Variants in BBS9 observed in about 807,000 individuals in gnomAD.
The protein encoded by BBS9 is Bardet-Biedl syndrome 9, also known as protein PTHB1.
In BBS9, 89 loss-of-function variants were observed where a neutral mutation model predicts 117.7. That is an observed-to-expected ratio of 0.76 (90% CI 0.64 to 0.90). BBS9 has a LOEUF of 0.90. BBS9 is among the 40% of genes least tolerant of loss of function. The probability of loss-of-function intolerance (pLI) is 0.00; values close to 1 mark genes in which losing one functional copy is unlikely to be tolerated. For synonymous variants in BBS9, 379 were observed against 370.9 expected (o/e 1.02, Z -0.25); for missense variants, 982 against 1,042.2 (o/e 0.94, Z 0.80).
intron 19 of BBS9, among the ~76,000 whole-genome samples, chr7:33,423,356 A>G (rs1400762995): frequency 6.6e-6 from 1 of 152,020 alleles, no homozygotes; most frequent in Non-Finnish European, 1.5e-5. Context: ...GCACAAAATC[A>G]AAAAGATAGA....
At chr7:33,489,000 T>C (rs1843511425) in intron 19 of BBS9, among the ~76,000 whole-genome samples, 1 of 147,294 alleles carries the variant, frequency 6.8e-6, no homozygotes, top group South Asian at 2.2e-4. Flanking sequence ...TTTTTTTTTT[T>C]TTTTTTTTTT....
At chr7:33,265,597 C>A (rs1200865578) in intron 7 of BBS9, among the ~76,000 whole-genome samples, 1 of 152,118 alleles carries the variant, frequency 6.6e-6, no homozygotes, top group African/African-American at 2.4e-5. Flanking sequence ...GTAATCCCAG[C>A]ACTTTGGCAG....
chr7:33,230,574 C>T (rs1156766212), intron 5 of BBS9, among the ~76,000 whole-genome samples: 2 of 152,170 alleles, frequency 1.3e-5, no homozygotes, highest in Non-Finnish European at 2.9e-5. Flanking sequence ...ACCTCCCTTC[C>T]GCCCTGCCTG....
intron 3 of BBS9, among the ~76,000 whole-genome samples, chr7:33,154,712 G>A (rs892868241): frequency 2.6e-5 from 4 of 151,872 alleles, no homozygotes; most frequent in East Asian, 1.9e-4. Flanking sequence ...GAGATCCACC[G>A]CCCCCTCCCA....
At chr7:33,597,678 A>G (rs1032882873) in intron 21 of BBS9, among the ~76,000 whole-genome samples, 1 of 138,034 alleles carries the variant, frequency 7.2e-6, no homozygotes, top group Non-Finnish European at 1.5e-5. Context: ...ATCTTCCTGC[A>G]AAAAAAAAAT....
intron 19 of BBS9, among the ~76,000 whole-genome samples, chr7:33,416,680 C>T (rs575872144): frequency 6.6e-6 from 1 of 152,254 alleles, no homozygotes; most frequent in Admixed American, 6.5e-5. Context: ...ATGTGACAGC[C>T]GTGGTCCCCA....
intron 5 of BBS9, among the ~76,000 whole-genome samples, chr7:33,222,421 A>G (rs1396130202): frequency 6.6e-6 from 1 of 152,162 alleles, no homozygotes; most frequent in Non-Finnish European, 1.5e-5. Flanking sequence ...GGGAATTCTA[A>G]TAACATAGGA....
intron 19 of BBS9, among the ~76,000 whole-genome samples, chr7:33,422,653 A>C (rs1300570458): frequency 1.3e-5 from 2 of 152,236 alleles, no homozygotes; most frequent in East Asian, 1.9e-4. Flanking sequence ...TAAGAATAGA[A>C]GCACAAAAGA....
chr7:33,270,586 A>C (rs1310510704), intron 7 of BBS9, among the ~76,000 whole-genome samples: 1 of 152,232 alleles, frequency 6.6e-6, no homozygotes. Context: ...TATTAATGGC[A>C]GAAGAGACCA....
At position 33,129,676 on chromosome 7, in the gene BBS9, C is replaced by G. The variant is rs936988947; in HGVS notation, c.-377C>G. The G allele has an allele frequency of 1.3e-5, 2 of 152,702 alleles. No homozygotes were observed. The highest frequency in any genetic ancestry group is 4.8e-5 in the African/African-American group (2 of 41,436). The allele number at this position is 152,702 out of a possible 1,614,324, so 9.5% of individuals were successfully genotyped here. On this transcript the variant is annotated 5_prime_UTR_variant, in exon 1 of 23. Transcript: ENST00000242067. ...TCACCGCCTCCTCCATCCTTTCCTC[C>G]TCGGTGTGAGCAGCAGGACTTGCAT...
chr7:33,303,526 C>CG (rs1554406623), intron 9 of BBS9, among the ~76,000 whole-genome samples: 2 of 115,432 alleles, frequency 1.7e-5, no homozygotes, highest in African/African-American at 3.3e-5. Flanking sequence ...ATCCCCTCCC[C>CG]CCGCCCCTTC....
At chr7:33,308,318 A>G (rs1808467819) in intron 9 of BBS9, among the ~76,000 whole-genome samples, 1 of 152,218 alleles carries the variant, frequency 6.6e-6, no homozygotes, top group African/African-American at 2.4e-5. Context: ...GAACAAAATA[A>G]GGCCAGAATT....
At chr7:33,226,691 G>C (rs1301426578) in intron 5 of BBS9, among the ~76,000 whole-genome samples, 3 of 152,158 alleles carry the variant, frequency 2.0e-5, no homozygotes, top group Non-Finnish European at 4.4e-5. Context: ...ATGTACAATG[G>C]AATATTATTT....
intron 20 of BBS9, among the ~76,000 whole-genome samples, chr7:33,528,203 A>G (rs1849964671): frequency 1.3e-5 from 2 of 152,202 alleles, no homozygotes; most frequent in African/African-American, 2.4e-5. Context: ...TGAATATGAT[A>G]TGAAGGTTGT....
chr7:33,493,285 C>T (rs951973673), intron 19 of BBS9, among the ~76,000 whole-genome samples: 13 of 152,166 alleles, frequency 8.5e-5, no homozygotes, highest in Non-Finnish European at 2.9e-5. Flanking sequence ...TGAACCACCG[C>T]GCCTGGCCTA....
At chr7:33,243,801 T>C (rs1413799536) in intron 5 of BBS9, among the ~76,000 whole-genome samples, 2 of 152,212 alleles carry the variant, frequency 1.3e-5, no homozygotes, top group Middle Eastern at 3.2e-3. Context: ...CTAATGTAAG[T>C]AAGTTAAAGC....
chr7:33,593,371 G>A (rs192204884), intron 21 of BBS9, among the ~76,000 whole-genome samples: 1 of 152,216 alleles, frequency 6.6e-6, no homozygotes, highest in East Asian at 1.9e-4. Flanking sequence ...CCCTGTGATT[G>A]AAGACTTTAA....
intron 17 of BBS9, among the ~76,000 whole-genome samples, chr7:33,378,964 C>T (rs1824431503): frequency 6.6e-6 from 1 of 152,202 alleles, no homozygotes; most frequent in Non-Finnish European, 1.5e-5. Flanking sequence ...TCAATTTTCA[C>T]AGTAACTTAT....
chr7:33,340,102 G>C (rs1209952738), intron 10 of BBS9, among the ~76,000 whole-genome samples: 2 of 151,824 alleles, frequency 1.3e-5, no homozygotes, highest in African/African-American at 2.4e-5. Flanking sequence ...ACATGTGTAT[G>C]GTAAAAATAA....
Sources: gnomAD v4.1 joint callset for allele counts (sites outside exome capture counted in the v4.1 genomes callset) on GRCh38, gnomAD v4.1.1 for gene constraint, MANE v1.5 for transcripts, NCBI Gene and HGNC (gene_info 2026-07-23, HGNC 2026-07-21) for gene names.